Variants in NDUFS4 observed in about 807,000 individuals in gnomAD.
NDUFS4 encodes the protein NADH dehydrogenase [ubiquinone] iron-sulfur protein 4, mitochondrial.
A neutral mutation model predicts 24.3 loss-of-function variants in NDUFS4; 28 were observed. The observed-to-expected ratio is 1.15, with a 90% CI of 0.85 to 1.58. The LOEUF is 1.58. Among genes scored for constraint, NDUFS4 ranks in the 40% most tolerant of loss-of-function variants. The probability of loss-of-function intolerance (pLI) is 0.00; values close to 1 mark genes in which losing one functional copy is unlikely to be tolerated. For missense variants in NDUFS4, 223 were observed against 207.9 expected (o/e 1.07, Z -0.45); for synonymous variants, 93 against 69.7 (o/e 1.34, Z -1.67).
At position 53,683,151 on chromosome 5, in the gene NDUFS4, C is replaced by CA. The variant is rs587776949; in HGVS notation, c.462dup (p.Pro155ThrfsTer26). Reference sequence around the variant, plus strand: ...TATGACATTGAAGAGAGGAAGGTTCCAAAACCCAAGTCCAAGTCTTATGGT... The same window carrying CA: ...TATGACATTGAAGAGAGGAAGGTTCCAAAAACCCAAGTCCAAGTCTTATGGT... On this transcript the variant is annotated frameshift_variant, in exon 5 of 5. Coordinates refer to ENST00000296684, the MANE Select transcript of NDUFS4 (RefSeq NM_002495.4). LOFTEE classifies it high-confidence loss of function. 1 of 1,611,914 alleles carries CA rather than the reference C, an allele frequency of 6.2e-7. No homozygotes were observed. The highest frequency in any genetic ancestry group is 1.1e-5 in the South Asian group (1 of 91,020).
intron 3 of NDUFS4, among the ~76,000 whole-genome samples, chr5:53,647,153 CTT>C (rs1294166013): frequency 2.6e-5 from 4 of 151,200 alleles, no homozygotes; most frequent in African/African-American, 7.3e-5. Context: ...TTGAGGGAAA[CTT>C]ATAAGTTCCT....
At chr5:53,607,029 T>G (rs1579865387) in intron 2 of NDUFS4, among the ~76,000 whole-genome samples, 1 of 152,258 alleles carries the variant, frequency 6.6e-6, no homozygotes, top group African/African-American at 2.4e-5. Context: ...TTTTTCTTTT[T>G]TCAAATATTT....
At chr5:53,637,103 G>A (rs1337168563) in intron 2 of NDUFS4, among the ~76,000 whole-genome samples, 1 of 152,190 alleles carries the variant, frequency 6.6e-6, no homozygotes, top group African/African-American at 2.4e-5. Context: ...TTCATAAGGA[G>A]TCTCAGATTG....
At chr5:53,653,426 A>G (rs1383771821) in intron 3 of NDUFS4, among the ~76,000 whole-genome samples, 1 of 152,184 alleles carries the variant, frequency 6.6e-6, no homozygotes, top group African/African-American at 2.4e-5. Flanking sequence ...GTTCTAACAC[A>G]TTGCCAAAGC....
chr5:53,630,671 C>T (rs563106594), intron 2 of NDUFS4, among the ~76,000 whole-genome samples: 14 of 152,052 alleles, frequency 9.2e-5, no homozygotes, highest in African/African-American at 3.1e-4. Flanking sequence ...TTGATCGATT[C>T]GGCTATTGAA....
intron 1 of NDUFS4, among the ~76,000 whole-genome samples, chr5:53,562,485 CTGA>C (rs1380477614): frequency 1.3e-5 from 2 of 152,070 alleles, no homozygotes; most frequent in Middle Eastern, 3.2e-3. Context: ...TTTTGAAACT[CTGA>C]TGATAATTGT....
At chr5:53,643,455 G>A (rs944463762) in intron 2 of NDUFS4, among the ~76,000 whole-genome samples, 1 of 152,090 alleles carries the variant, frequency 6.6e-6, no homozygotes, top group African/African-American at 2.4e-5. Context: ...AGCTCCGTGT[G>A]AATTTAGAGG....
intron 2 of NDUFS4, among the ~76,000 whole-genome samples, chr5:53,642,111 A>C (rs1419567678): frequency 2.0e-5 from 3 of 152,238 alleles, no homozygotes; most frequent in East Asian, 3.9e-4. Context: ...CCTTACATTT[A>C]TTTCTCTTCA....
intron 2 of NDUFS4, among the ~76,000 whole-genome samples, chr5:53,622,229 C>G (rs1270824820): frequency 6.6e-6 from 1 of 152,068 alleles, no homozygotes; most frequent in Non-Finnish European, 1.5e-5. Context: ...TTTTGTTTAT[C>G]TAGAAATCCC....
intron 1 of NDUFS4, 139 bp from the exon 2 acceptor site, chr5:53,603,313 C>A: frequency 3.2e-6 from 2 of 621,918 alleles, no homozygotes; most frequent in South Asian, 1.8e-5. Context: ...GACTTTTGTG[C>A]CCTCTTCTCT....
intron 4 of NDUFS4, among the ~76,000 whole-genome samples, chr5:53,671,145 C>CA (rs1295258810): frequency 2.0e-5 from 3 of 152,004 alleles, no homozygotes; most frequent in Non-Finnish European, 4.4e-5. Context: ...CCCCATTAAT[C>CA]ATCTGTTTTC....
chr5:53,633,890 CTG>C (rs1751476971), intron 2 of NDUFS4, among the ~76,000 whole-genome samples: 1 of 152,116 alleles, frequency 6.6e-6, no homozygotes, highest in South Asian at 2.1e-4. Context: ...ATTTACAAAA[CTG>C]AAACTATAAA....
chr5:53,629,638 C>G (rs1471707914), intron 2 of NDUFS4, among the ~76,000 whole-genome samples: 1 of 152,094 alleles, frequency 6.6e-6, no homozygotes, highest in Admixed American at 6.5e-5. Context: ...ATGTAATGCC[C>G]TTGTTTGTCT....
intron 3 of NDUFS4, among the ~76,000 whole-genome samples, chr5:53,651,294 C>CT (rs1287216359): frequency 1.3e-5 from 2 of 151,752 alleles, no homozygotes; most frequent in Non-Finnish European, 2.9e-5. Flanking sequence ...AATTTTACTG[C>CT]TTGGACATAT....
chr5:53,611,336 A>G (rs1750689519), intron 2 of NDUFS4, among the ~76,000 whole-genome samples: 1 of 151,946 alleles, frequency 6.6e-6, no homozygotes, highest in Non-Finnish European at 1.5e-5. Flanking sequence ...TCATTTTGGA[A>G]CTATATACAA....
At chr5:53,617,506 AT>A (rs1230278566) in intron 2 of NDUFS4, among the ~76,000 whole-genome samples, 2 of 150,220 alleles carry the variant, frequency 1.3e-5, no homozygotes, top group African/African-American at 4.9e-5. Context: ...TTTGGCCGTC[AT>A]TTTTTCCCCC....
chr5:53,669,449 T>C (rs1206082289), intron 4 of NDUFS4, among the ~76,000 whole-genome samples: 2 of 152,138 alleles, frequency 1.3e-5, no homozygotes, highest in Non-Finnish European at 2.9e-5. Context: ...TCTAACCTAG[T>C]CTTCATTTCA....
intron 4 of NDUFS4, among the ~76,000 whole-genome samples, chr5:53,670,378 C>T (rs1011498010): frequency 1.3e-5 from 2 of 151,566 alleles, no homozygotes; most frequent in African/African-American, 4.9e-5. Flanking sequence ...GTGTTTAATT[C>T]GAATTTAGAT....
chr5:53,607,120 A>G (rs1176838357), intron 2 of NDUFS4, among the ~76,000 whole-genome samples: 3 of 152,174 alleles, frequency 2.0e-5, no homozygotes, highest in Admixed American at 1.3e-4. Flanking sequence ...GAATGTCACT[A>G]TGGTTTTCCA....
Sources: gnomAD v4.1 joint callset for allele counts (sites outside exome capture counted in the v4.1 genomes callset) on GRCh38, gnomAD v4.1.1 for gene constraint, MANE v1.5 for transcripts, NCBI Gene and HGNC (gene_info 2026-07-23, HGNC 2026-07-21) for gene names.